The following PCDHGB5 variants were observed in gnomAD, a reference collection of about 807,000 sequenced individuals.
PCDHGB5 encodes protocadherin gamma-B5.
A neutral mutation model predicts 62.9 loss-of-function variants in PCDHGB5; 48 were observed. That is an observed-to-expected ratio of 0.76 (90% CI 0.61 to 0.97). PCDHGB5 has a LOEUF of 0.97. Among genes scored for constraint, PCDHGB5 ranks in the 50% least tolerant of loss-of-function variants. PCDHGB5 has a pLI of 0.00. For synonymous variants in PCDHGB5, 474 were observed against 511.2 expected, an observed-to-expected ratio of 0.93 and a Z score of 0.98; for missense variants, 1,118 against 1,198.6, an observed-to-expected ratio of 0.93 and a Z score of 0.99.
intron 1 of PCDHGB5, among the ~76,000 whole-genome samples, chr5:141,402,212 A>T (rs1282581389): frequency 6.6e-6 from 1 of 152,138 alleles, no homozygotes; most frequent in Non-Finnish European, 1.5e-5. Context: ...ACAAAAATTT[A>T]AAATAAACGT....
At chr5:141,405,316 T>C (rs752153213) in intron 1 of PCDHGB5, 5 of 1,614,232 alleles carry the variant, frequency 3.1e-6, no homozygotes, top group Non-Finnish European at 4.2e-6. Context: ...GTGAGAAAAA[T>C]GAGCCTTTGT....
chr5:141,488,170 T>C (rs554585709), intron 1 of PCDHGB5, among the ~76,000 whole-genome samples: 2 of 152,318 alleles, frequency 1.3e-5, no homozygotes, highest in African/African-American at 2.4e-5. Context: ...ATCAGAGTGG[T>C]GGCATAGATC....
At chr5:141,428,163 C>T (rs759273230) in intron 1 of PCDHGB5, 77 of 1,564,636 alleles carry the variant, frequency 4.9e-5, no homozygotes, top group Non-Finnish European at 6.3e-5. Flanking sequence ...CTGCTGGTTG[C>T]TGTGCGTGAC....
At position 141,489,505 on chromosome 5, in the gene PCDHGB5, A is replaced by G. The variant is rs1198371307; in HGVS notation, c.2398-5302A>G. On this transcript the variant is annotated intron_variant, in intron 1 of 3. Transcript: ENST00000617380. The surrounding 1 kb of genome is among the most constrained non-coding windows in gnomAD (Gnocchi z 4.5). ...GAGTGGTGCCCTGGCAGTGAATCAA[A>G]AGATTGACCGAGAAAGCCTATGTGG... The G allele has an allele frequency of 1.9e-6, 3 of 1,613,972 alleles. No homozygotes were observed. The Admixed American group carries it at 5.0e-5, about 27-fold the overall frequency.
intron 1 of PCDHGB5, among the ~76,000 whole-genome samples, chr5:141,483,160 T>C (rs1199191595): frequency 6.6e-6 from 1 of 152,176 alleles, no homozygotes; most frequent in Non-Finnish European, 1.5e-5. Flanking sequence ...AGTTAGATCC[T>C]GAGTTACCTT....
Position 141,400,528 on chromosome 5 carries a change from A to G in PCDHGB5, c.2397+4A>G. On this transcript the variant is annotated splice_donor_region_variant and intron_variant, in intron 1 of 3. Transcript: ENST00000617380. The stretch of plus-strand genomic sequence containing the variant: ...GTCGACTTCCCATCCTGAGTTGGTG[A>G]GTTTCATTTATGTCTATTCTTTTTC... 1.2e-6 allele frequency: 2 copies of G among 1,613,868 alleles called. No homozygotes were observed. The highest frequency in any genetic ancestry group is 2.2e-5 in the South Asian group (2 of 91,070).
rs370284141 is a variant in PCDHGB5, at chr5:141,421,654, G to A, written c.2397+21130G>A. On this transcript the variant is annotated intron_variant, in intron 1 of 3. Coordinates refer to ENST00000617380, the MANE Select transcript of PCDHGB5 (RefSeq NM_018925.3). ...CCAGGAGGACGAAGTGGAGATAAAA[G>A]TCAGTGAGCACGCAATTCCTGGGGC... The A allele has an allele frequency of 3.5e-5, 57 of 1,613,746 alleles. No individual in the cohort carries two copies. Among genetic ancestry groups the A allele is most frequent in the Admixed American group, 5.0e-5 (3 of 59,974 alleles).
At position 141,432,225 on chromosome 5, in the gene PCDHGB5, A is replaced by T; in HGVS notation, c.2397+31701A>T. On this transcript the variant is annotated intron_variant, in intron 1 of 3. Transcript: ENST00000617380. This position sits in a 1 kb window ranked among gnomAD's most constrained non-coding sequence, Gnocchi z 6.0. ...TGTGAAGAGAACGCCCAGATCACTT[A>T]TTCCCTGGCTGAGAACACCATCCAA... The T allele has an allele frequency of 1.2e-6, 2 of 1,614,206 alleles. No individual in the cohort carries two copies. Among genetic ancestry groups the T allele is most frequent in the South Asian group, 2.2e-5 (2 of 91,080 alleles).
At chr5:141,475,014 C>G (rs2099358221) in intron 1 of PCDHGB5, among the ~76,000 whole-genome samples, 1 of 152,202 alleles carries the variant, frequency 6.6e-6, no homozygotes, top group South Asian at 2.1e-4. Flanking sequence ...AAAGTTAAGG[C>G]TCTTTATTCT....
chr5:141,408,475 C>A, intron 1 of PCDHGB5: 3 of 1,614,032 alleles, frequency 1.9e-6, no homozygotes, highest in Non-Finnish European at 1.7e-6. Flanking sequence ...ACCGAATAGA[C>A]CGTGAGCAAA....
At chr5:141,408,914 A>C in intron 1 of PCDHGB5, 1 of 1,613,446 alleles carries the variant, frequency 6.2e-7, no homozygotes, top group Non-Finnish European at 8.5e-7. Context: ...TACCAATGAT[A>C]ACCCCCCGGT....
At position 141,432,001 on chromosome 5, in the gene PCDHGB5, G is replaced by T. The variant is rs755338230; in HGVS notation, c.2397+31477G>T. On this transcript the variant is annotated intron_variant, in intron 1 of 3. Coordinates refer to ENST00000617380, the MANE Select transcript of PCDHGB5 (RefSeq NM_018925.3). This position sits in a 1 kb window ranked among gnomAD's most constrained non-coding sequence, Gnocchi z 6.0. Reference sequence around the variant, plus strand: ...CAGACATAGTCTTGGATAGGGAACAGGTTCCTAGCTACAACATCACAGTGA... The same window carrying T: ...CAGACATAGTCTTGGATAGGGAACATGTTCCTAGCTACAACATCACAGTGA... 4 of 1,614,220 alleles carry T rather than the reference G, an allele frequency of 2.5e-6. No homozygotes were observed. In the East Asian group the frequency reaches 8.9e-5, roughly 36 times the overall value.
rs1591227595 is a variant in PCDHGB5 at position 141,432,858 on chromosome 5, T to C, written c.2397+32334T>C. ...TACCTGGTGGTAGCGGTGGCCGCGG[T>C]CTCCTGCGTCTTCCTGGCCTTCGTC... On this transcript the variant is annotated intron_variant, in intron 1 of 3. Coordinates refer to ENST00000617380, the MANE Select transcript of PCDHGB5 (RefSeq NM_018925.3). This position sits in a 1 kb window ranked among gnomAD's most constrained non-coding sequence, Gnocchi z 6.0. The C allele has an allele frequency of 1.2e-6, 2 of 1,614,140 alleles. No individual in the cohort carries two copies. Among genetic ancestry groups the C allele is most frequent in the Non-Finnish European group, 8.5e-7 (1 of 1,179,996 alleles).
At chr5:141,484,943 C>T (rs542244720) in intron 1 of PCDHGB5, 14 of 546,098 alleles carry the variant, frequency 2.6e-5, no homozygotes, top group African/African-American at 2.3e-4. Flanking sequence ...GTTCTCTGCT[C>T]AGCCTATTGG....
At chr5:141,406,474 T>TA (rs1309995681) in intron 1 of PCDHGB5, among the ~76,000 whole-genome samples, 1 of 152,248 alleles carries the variant, frequency 6.6e-6, no homozygotes, top group Non-Finnish European at 1.5e-5. Flanking sequence ...TCTTTGAGGT[T>TA]ATATTTTTCA....
At chr5:141,453,544 C>T (rs540372287) in intron 1 of PCDHGB5, among the ~76,000 whole-genome samples, 12 of 152,310 alleles carry the variant, frequency 7.9e-5, no homozygotes, top group African/African-American at 2.9e-4. Flanking sequence ...ATTCACACCA[C>T]ACTCTGTAGA....
chr5:141,399,758 T>G lies in PCDHGB5; in HGVS notation c.1631T>G (p.Leu544Arg). The G allele has an allele frequency of 6.2e-7, 1 of 1,613,334 alleles. No individual in the cohort carries two copies. Among genetic ancestry groups the G allele is most frequent in the Non-Finnish European group, 8.5e-7 (1 of 1,179,806 alleles). ...CCTGCGCTCAGCGCAAACGTGAGCCTGCGCGTGTTGGTGGGCGACCGAAAC... is the reference window on the plus strand; with the variant it reads ...CCTGCGCTCAGCGCAAACGTGAGCCGGCGCGTGTTGGTGGGCGACCGAAAC... ...GSPALSANVS[L>R]RVLVGDRNDN... The change falls in exon 1 of 4, where the codon CTG becomes CGG. Residue 544 changes from leucine (L) to arginine (R), a missense_variant. By Grantham distance (102) the Leu-to-Arg change is moderately radical. Transcript: ENST00000617380.
intron 1 of PCDHGB5, among the ~76,000 whole-genome samples, chr5:141,451,284 G>C (rs950768919): frequency 2.6e-5 from 4 of 152,186 alleles, no homozygotes; most frequent in African/African-American, 9.7e-5. Flanking sequence ...GAGTGCCTCT[G>C]CCTCAAAGTC....
chr5:141,476,929 G>T lies in PCDHGB5; in HGVS notation c.2398-17878G>T, dbSNP rs1375082202. 6.2e-7 allele frequency: 1 copy of T among 1,614,136 alleles called. No homozygotes were observed. Among genetic ancestry groups the T allele is most frequent in the Admixed American group, 1.7e-5 (1 of 60,034 alleles). On this transcript the variant is annotated intron_variant, in intron 1 of 3. Transcript: ENST00000617380. This position sits in a 1 kb window ranked among gnomAD's most constrained non-coding sequence, Gnocchi z 7.6. ...TGGTACAAGTCCTTGCAACGGATCT[G>T]GATGAAGGCCCCAACGGTGAAATTA...
Sources: gnomAD v4.1 joint callset for allele counts (sites outside exome capture counted in the v4.1 genomes callset) on GRCh38, gnomAD v4.1.1 for gene constraint, Gnocchi (gnomAD v3.1) non-coding constraint, MANE v1.5 for transcripts, NCBI Gene and HGNC (gene_info 2026-07-23, HGNC 2026-07-21) for gene names.